ANK3: variants seen among roughly 807,000 people sequenced by gnomAD.
The protein encoded by ANK3 is ankyrin 3.
ANK3 carries 57 observed loss-of-function variants against 370.9 expected under a neutral mutation model. The ratio of observed to expected loss-of-function variants is 0.15; its 90% CI spans 0.12 to 0.19. The LOEUF (loss-of-function observed/expected upper bound fraction) is 0.19, where lower values mean the gene tolerates loss of function less well. Among genes scored for constraint, ANK3 ranks in the 10% least tolerant of loss-of-function variants. The pLI is 1.00. For synonymous variants in ANK3, 1,929 were observed against 1,946.3 expected (o/e 0.99, Z 0.23); for missense variants, 4,439 against 5,302.1 (o/e 0.84, Z 5.06).
intron 1 of ANK3, among the ~76,000 whole-genome samples, chr10:60,299,655 A>G (rs572416810): frequency 9.9e-5 from 15 of 152,172 alleles, no homozygotes; most frequent in Non-Finnish European, 1.6e-4. Context: ...ATACTTCAAA[A>G]TTTCACAAAC....
chr10:60,233,994 C>T lies in ANK3; in HGVS notation c.897+694G>A, dbSNP rs369877673. On this transcript the variant is annotated intron_variant, in intron 8 of 43. Coordinates refer to ENST00000280772, the MANE Select transcript of ANK3 (RefSeq NM_020987.5). Reference sequence around the variant, plus strand: ...GATGTCTCAGATAAGTGGAATCATACAGTATTTGTCCTTTTGTGACTGGTA... The same window carrying T: ...GATGTCTCAGATAAGTGGAATCATATAGTATTTGTCCTTTTGTGACTGGTA... Among the ~76,000 whole-genome samples the T allele has an allele frequency of 5.9e-5, 9 of 152,200 alleles. No individual in the cohort carries two copies. In the East Asian group the frequency reaches 1.2e-3, roughly 19 times the overall value.
At chr10:60,480,775 C>A (rs182450281) in intron 2 of ANK3, among the ~76,000 whole-genome samples, 42 of 152,118 alleles carry the variant, frequency 2.8e-4, no homozygotes, top group African/African-American at 9.2e-4. Flanking sequence ...ATGATACTTG[C>A]CAAAAAGTCA....
At chr10:60,031,966 G>A (rs1369945814) in intron 43 of ANK3, among the ~76,000 whole-genome samples, 2 of 151,952 alleles carry the variant, frequency 1.3e-5, no homozygotes. Context: ...GACTCACTTG[G>A]GTAGATCATC....
At chr10:60,367,857 A>C (rs766367750) in intron 1 of ANK3, among the ~76,000 whole-genome samples, 2 of 152,218 alleles carry the variant, frequency 1.3e-5, no homozygotes, top group African/African-American at 4.8e-5. Context: ...CAGAAATTAA[A>C]TATTATAATT....
intron 2 of ANK3, among the ~76,000 whole-genome samples, chr10:60,522,306 G>T (rs527442710): frequency 1.3e-5 from 2 of 151,264 alleles, no homozygotes; most frequent in African/African-American, 4.8e-5. Flanking sequence ...ATGACATAAT[G>T]GCTCTGACAC....
At chr10:60,566,163 C>T (rs186856584) in intron 2 of ANK3, among the ~76,000 whole-genome samples, 98 of 152,220 alleles carry the variant, frequency 6.4e-4, no homozygotes, top group African/African-American at 2.3e-3. Context: ...CAAACCACAT[C>T]CATATAAGAT....
At chr10:60,280,882 C>A (rs982805156) in intron 1 of ANK3, among the ~76,000 whole-genome samples, 5 of 152,188 alleles carry the variant, frequency 3.3e-5, no homozygotes, top group African/African-American at 1.2e-4. Flanking sequence ...GCATTAATTT[C>A]ATTGAACTCT....
chr10:60,351,404 C>T (rs2056841088), intron 1 of ANK3, among the ~76,000 whole-genome samples: 1 of 152,112 alleles, frequency 6.6e-6, no homozygotes, highest in African/African-American at 2.4e-5. Flanking sequence ...TGGCAGTCAC[C>T]CAGAACGTAC....
At chr10:60,603,294 C>T (rs998625614) in intron 2 of ANK3, among the ~76,000 whole-genome samples, 1 of 152,098 alleles carries the variant, frequency 6.6e-6, no homozygotes, top group Non-Finnish European at 1.5e-5. Context: ...ACCTCACTTG[C>T]TCTAGGAGGG....
At chr10:60,415,916 G>GCTCCC (rs1567021998) in intron 2 of ANK3, among the ~76,000 whole-genome samples, 1 of 81,190 alleles carries the variant, frequency 1.2e-5, no homozygotes, top group Non-Finnish European at 2.6e-5. Context: ...CTGAATTTGT[G>GCTCCC]CCCCCCACCC....
chr10:60,187,007 T>G, intron 16 of ANK3, 95 bp from the exon 17 acceptor site: 2 of 1,215,420 alleles, frequency 1.6e-6, no homozygotes, highest in South Asian at 2.6e-5. Flanking sequence ...CTAGTGGTTT[T>G]CTATGATTGC....
At chr10:60,171,706 G>C (rs2095798813) in intron 21 of ANK3, among the ~76,000 whole-genome samples, 1 of 152,164 alleles carries the variant, frequency 6.6e-6, no homozygotes, top group Non-Finnish European at 1.5e-5. Flanking sequence ...GCTGCAGCTT[G>C]TAAAAATGTA....
Position 60,073,045 on chromosome 10 carries a change from C to T in ANK3, c.7836G>A (p.Lys2612=), listed in dbSNP as rs1161406842. The T allele has an allele frequency of 1.2e-6, 2 of 1,613,958 alleles. No individual in the cohort carries two copies. The highest frequency in any genetic ancestry group is 2.2e-5 in the South Asian group (2 of 91,088). ...LNDELQSPEK[K]ARPKNGKEYS... is the part of the protein sequence containing the mutation. The stretch of plus-strand genomic sequence containing the variant: ...ATTCTTTGCCATTTTTAGGGCGTGC[C>T]TTTTTCTCTGGGGACTGCAGTTCAT... The change falls in exon 37 of 44, where the codon AAG becomes AAA. Residue 2612 remains lysine (K), a synonymous_variant. Transcript: ENST00000280772.
chr10:60,646,213 C>T (rs1017966695), intron 1 of ANK3, among the ~76,000 whole-genome samples: 4 of 152,032 alleles, frequency 2.6e-5, no homozygotes, highest in Admixed American at 1.3e-4. Context: ...GGGAGAATGG[C>T]TCAAGATTGA....
At chr10:60,417,309 C>A (rs573566480) in intron 2 of ANK3, among the ~76,000 whole-genome samples, 1 of 152,094 alleles carries the variant, frequency 6.6e-6, no homozygotes, top group Non-Finnish European at 1.5e-5. Context: ...AGCAACTTGA[C>A]GGGGGGTCAG....
At chr10:60,450,864 A>G (rs1438230261) in intron 2 of ANK3, among the ~76,000 whole-genome samples, 22 of 152,218 alleles carry the variant, frequency 1.4e-4, no homozygotes, top group Non-Finnish European at 2.4e-4. Flanking sequence ...AGACCTATGC[A>G]GTAGGCACTC....
rs137932298 is a variant in ANK3, at chr10:60,072,539, T to C, written c.8342A>G (p.Gln2781Arg). 31 of 1,613,432 alleles carry C rather than the reference T, an allele frequency of 1.9e-5. No homozygotes were observed. Among genetic ancestry groups the C allele is most frequent in the South Asian group, 1.1e-5 (1 of 90,924 alleles). ...GGTTTTTAATACCATAAAATCTTTT[T>C]GCACAGATACACTTTCATCTGGGAG... ...IDLPDESVSV[Q>R]KDFMVLKTKD... Residue 2781 changes from glutamine to arginine, a missense_variant, in exon 37 of 44, where the codon CAA (glutamine) becomes CGA (arginine). Transcript: ENST00000280772.
chr10:60,301,123 G>T (rs894220229), intron 1 of ANK3, among the ~76,000 whole-genome samples: 39 of 135,216 alleles, frequency 2.9e-4, no homozygotes, highest in Admixed American at 2.0e-3. Context: ...GAATACTTCC[G>T]ATATATATAT....
intron 38 of ANK3, among the ~76,000 whole-genome samples, chr10:60,066,775 C>T (rs1386882484): frequency 6.6e-6 from 1 of 151,962 alleles, no homozygotes; most frequent in East Asian, 1.9e-4. Flanking sequence ...ATTATTTGGC[C>T]ATGCATTAAA....
Sources: gnomAD v4.1 joint callset for allele counts (sites outside exome capture counted in the v4.1 genomes callset) on GRCh38, gnomAD v4.1.1 for gene constraint, MANE v1.5 for transcripts, NCBI Gene and HGNC (gene_info 2026-07-23, HGNC 2026-07-21) for gene names.